The following TNS3 variants were observed in gnomAD, a reference collection of about 807,000 sequenced individuals.
TNS3 encodes tensin 3.
TNS3 carries 45 observed loss-of-function variants against 140.9 expected under a neutral mutation model. The observed-to-expected ratio is 0.32, with a 90% confidence interval of 0.25 to 0.41. The LOEUF (loss-of-function observed/expected upper bound fraction) is 0.41, where lower values mean the gene tolerates loss of function less well. Ranked by LOEUF, TNS3 falls within the 10% of genes least tolerant of loss-of-function variation. TNS3 has a pLI of 1.00. For missense variants in TNS3, 1,716 were observed against 1,906.7 expected, an observed-to-expected ratio of 0.90 and a Z score of 1.86; for synonymous variants, 815 against 788.4, an observed-to-expected ratio of 1.03 and a Z score of -0.56.
intron 1 of TNS3, among the ~76,000 whole-genome samples, chr7:47,534,437 T>C (rs1799529358): frequency 6.6e-6 from 1 of 152,128 alleles, no homozygotes; most frequent in Admixed American, 6.5e-5. Context: ...TTAACAGCTA[T>C]TGTAAATGAC....
Position 47,303,299 on chromosome 7 carries a change from G to A in TNS3, c.3108C>T (p.Asp1036=). The A allele has an allele frequency of 6.2e-7, 1 of 1,613,524 alleles. No homozygotes were observed. The highest frequency in any genetic ancestry group is 8.5e-7 in the Non-Finnish European group (1 of 1,179,840). ...GAGAATTGGCCAGCAAGGCCCCCAG[G>A]TCCTCCTCGGGCGGAAGGCCACTTC... ...PVGSGLPPEE[D]LGALLANSHG... The change falls in exon 22 of 31, where the codon GAC becomes GAT. Residue 1036 remains aspartate, a synonymous_variant. Coordinates refer to ENST00000311160, the MANE Select transcript of TNS3 (RefSeq NM_022748.12).
intron 3 of TNS3, among the ~76,000 whole-genome samples, chr7:47,499,763 G>A (rs930733374): frequency 6.6e-6 from 1 of 152,122 alleles, no homozygotes; most frequent in Non-Finnish European, 1.5e-5. Flanking sequence ...TACTCCATAC[G>A]GTACTGTCAT....
intron 16 of TNS3, among the ~76,000 whole-genome samples, chr7:47,372,755 G>A (rs1791149403): frequency 2.0e-5 from 3 of 152,282 alleles, no homozygotes; most frequent in Admixed American, 1.3e-4. Context: ...TGAAAGTACA[G>A]CCATGGGACA....
intron 3 of TNS3, among the ~76,000 whole-genome samples, chr7:47,491,174 T>C (rs1275084539): frequency 6.6e-6 from 1 of 152,194 alleles, no homozygotes; most frequent in Non-Finnish European, 1.5e-5. Context: ...TACGCTGCGA[T>C]TCACCAAAAA....
intron 1 of TNS3, among the ~76,000 whole-genome samples, chr7:47,533,106 T>TATATAC (rs1799466277): frequency 6.6e-5 from 1 of 15,250 alleles, no homozygotes; most frequent in South Asian, 4.1e-3. Context: ...TCAGATTTTA[T>TATATAC]ATATATATAT....
intron 4 of TNS3, among the ~76,000 whole-genome samples, chr7:47,453,668 C>A (rs1488318718): frequency 6.6e-6 from 1 of 152,110 alleles, no homozygotes; most frequent in Non-Finnish European, 1.5e-5. Flanking sequence ...AGTGGCCAGG[C>A]CAGAGAGAAG....
At position 47,365,905 on chromosome 7, in the gene TNS3, T is replaced by C. The variant is rs148885736; in HGVS notation, c.2281+2460A>G. ...AGCAAGAACAGGGAATCACTAAGGA[T>C]TGAATTCAATCAATTGGAAGACATA... is the stretch of plus-strand genomic sequence containing the variant. On this transcript the variant is annotated intron_variant, in intron 17 of 30. Coordinates refer to ENST00000311160, the MANE Select transcript of TNS3 (RefSeq NM_022748.12). Among the ~76,000 whole-genome samples, 567 of 152,268 alleles carry C rather than the reference T, an allele frequency of 3.7e-3. 9 individuals are homozygous for C. Among genetic ancestry groups the C allele is most frequent in the Admixed American group, 0.031 (480 of 15,284 alleles).
At chr7:47,422,558 A>G (rs544998744) in intron 10 of TNS3, among the ~76,000 whole-genome samples, 70 of 152,240 alleles carry the variant, frequency 4.6e-4, no homozygotes, top group African/African-American at 1.6e-3. Context: ...GGCTGCTGTG[A>G]GCCAAGATTG....
chr7:47,448,534 G>A (rs1418407306), intron 4 of TNS3, among the ~76,000 whole-genome samples: 1 of 147,714 alleles, frequency 6.8e-6, no homozygotes, highest in Non-Finnish European at 1.5e-5. Context: ...GGCTGGAATG[G>A]AGTGGCACGA....
intron 16 of TNS3, among the ~76,000 whole-genome samples, chr7:47,393,711 C>T (rs1792665709): frequency 6.6e-6 from 1 of 152,176 alleles, no homozygotes; most frequent in South Asian, 2.1e-4. Context: ...GTCTCTGCTG[C>T]TTTATGAAGC....
At chr7:47,314,511 G>C (rs1050017633) in intron 20 of TNS3, among the ~76,000 whole-genome samples, 1 of 152,218 alleles carries the variant, frequency 6.6e-6, no homozygotes, top group Non-Finnish European at 1.5e-5. Flanking sequence ...AAGTGAGGAT[G>C]ATCTACCTAC....
chr7:47,338,953 C>G (rs1788787235), intron 20 of TNS3, among the ~76,000 whole-genome samples: 1 of 152,150 alleles, frequency 6.6e-6, no homozygotes. Context: ...ATTCACATTC[C>G]CTCCAACAGT....
intron 17 of TNS3, among the ~76,000 whole-genome samples, chr7:47,366,386 C>A (rs1416684414): frequency 2.6e-5 from 4 of 152,214 alleles, no homozygotes; most frequent in Non-Finnish European, 5.9e-5. Context: ...GGAATGACAG[C>A]TGTTTGCTCA....
intron 20 of TNS3, among the ~76,000 whole-genome samples, chr7:47,322,213 C>CAAAA (rs759875153): frequency 0.07 from 3,477 of 49,870 alleles, 212 homozygotes; most frequent in South Asian, 0.09. Flanking sequence ...GTAGAACGGG[C>CAAAA]AAAAAAAAAA....
chr7:47,352,109 ACT>A (rs774253986), intron 17 of TNS3, among the ~76,000 whole-genome samples: 4 of 100,906 alleles, frequency 4.0e-5, no homozygotes, highest in Non-Finnish European at 9.2e-5. Flanking sequence ...CATACTTCAC[ACT>A]CTTAGTCTCT....
At chr7:47,440,227 G>A (rs1222815607) in intron 5 of TNS3, among the ~76,000 whole-genome samples, 2 of 152,172 alleles carry the variant, frequency 1.3e-5, no homozygotes, top group Non-Finnish European at 2.9e-5. Context: ...TGGTCGTGGA[G>A]GACCCTGCAG....
At chr7:47,439,758 T>C (rs1795370497) in intron 5 of TNS3, 100 bp from the exon 6 acceptor site, 11 of 1,307,462 alleles carry the variant, frequency 8.4e-6, no homozygotes, top group Non-Finnish European at 1.2e-5. Context: ...ATCCCCTGGG[T>C]GTTCACATCA....
intron 13 of TNS3, among the ~76,000 whole-genome samples, 164 bp from the exon 14 acceptor site, chr7:47,401,078 T>A (rs372010033): frequency 6.6e-5 from 10 of 152,190 alleles, no homozygotes; most frequent in Non-Finnish European, 1.3e-4. Context: ...CACAGGCGCC[T>A]GCAGACAGCT....
At chr7:47,497,888 G>A (rs538509273) in intron 3 of TNS3, among the ~76,000 whole-genome samples, 28 of 152,206 alleles carry the variant, frequency 1.8e-4, no homozygotes, top group Middle Eastern at 3.4e-3. Flanking sequence ...ATTCATTACT[G>A]TCACCATGAA....
Sources: gnomAD v4.1 joint callset for allele counts (sites outside exome capture counted in the v4.1 genomes callset) on GRCh38, gnomAD v4.1.1 for gene constraint, MANE v1.5 for transcripts, NCBI Gene and HGNC (gene_info 2026-07-23, HGNC 2026-07-21) for gene names.